The following LRRC40 variants were observed in gnomAD, a reference collection of about 807,000 sequenced individuals.
LRRC40 encodes leucine rich repeat containing 40.
LRRC40 carries 76 observed loss-of-function variants against 72.8 expected under a neutral mutation model. The observed-to-expected ratio is 1.04, with a 90% CI of 0.87 to 1.26. The LOEUF is 1.26. Among genes scored for constraint, LRRC40 ranks in the 50% most tolerant of loss-of-function variants. The pLI is 0.00. For missense variants in LRRC40, 684 were observed against 698.9 expected, an observed-to-expected ratio of 0.98 and a Z score of 0.24; for synonymous variants, 243 against 254.2, an observed-to-expected ratio of 0.96 and a Z score of 0.42.
chr1:70,157,127 T>C (rs1395473391), intron 10 of LRRC40, among the ~76,000 whole-genome samples: 1 of 152,182 alleles, frequency 6.6e-6, no homozygotes, highest in Admixed American at 6.5e-5. Context: ...ATATAATGTA[T>C]AATATGGAAG....
chr1:70,179,293 G>A (rs551373138), intron 5 of LRRC40, among the ~76,000 whole-genome samples: 2 of 152,124 alleles, frequency 1.3e-5, no homozygotes, highest in East Asian at 3.9e-4. Context: ...ACCAGCCTGG[G>A]CAACATATAG....
rs1162755190 is a variant in LRRC40, at chr1:70,179,003, AT to A, written c.662-11del. 2 of 1,486,842 alleles carry A rather than the reference AT, an allele frequency of 1.3e-6. No individual in the cohort carries two copies. Among genetic ancestry groups the A allele is most frequent in the Non-Finnish European group, 1.8e-6 (2 of 1,111,406 alleles). The allele number at this position is 1,486,842 out of a possible 1,614,324, so 92.1% of individuals were successfully genotyped here. ...TCCAAATGCTTCAACCCTGTAATAT[AT>A]ATTCAGTAAAAAACAAAAATAGAGA... is the stretch of plus-strand genomic sequence containing the variant. On this transcript the variant is annotated splice_polypyrimidine_tract_variant and intron_variant, in intron 5 of 14. Transcript: ENST00000370952.
chr1:70,158,105 A>AAC, intron 10 of LRRC40, among the ~76,000 whole-genome samples: 1 of 147,890 alleles, frequency 6.8e-6, no homozygotes, highest in Non-Finnish European at 1.5e-5. Flanking sequence ...GCCTCAAAAA[A>AAC]AAAAAAAAAA....
At chr1:70,197,972 G>C (rs781405716) in intron 1 of LRRC40, among the ~76,000 whole-genome samples, 1 of 152,026 alleles carries the variant, frequency 6.6e-6, no homozygotes, top group Non-Finnish European at 1.5e-5. Context: ...TTGTTGCCCA[G>C]ACTGGTCTTG....
intron 9 of LRRC40, among the ~76,000 whole-genome samples, chr1:70,172,936 G>T (rs2100285960): frequency 6.6e-6 from 1 of 151,602 alleles, no homozygotes; most frequent in South Asian, 2.1e-4. Flanking sequence ...TGATAGACAT[G>T]AAACAAAAAT....
Position 70,177,823 on chromosome 1 carries a change from G to A in LRRC40, c.804+1028C>T, listed in dbSNP as rs78524432. Among the ~76,000 whole-genome samples, 1,092 of 152,256 alleles carry A rather than the reference G, an allele frequency of 7.2e-3. 5 individuals are homozygous for A. Among genetic ancestry groups the A allele is most frequent in the Non-Finnish European group, 0.011 (725 of 68,018 alleles). The stretch of plus-strand genomic sequence containing the variant: ...TTGAACTGCACAGGTCCACTTATAT[G>A]TGGATTTCCTTCCACCTCTGCCATC... On this transcript the variant is annotated intron_variant, in intron 6 of 14. Transcript: ENST00000370952.
At chr1:70,161,943 T>C (rs547577476) in intron 9 of LRRC40, among the ~76,000 whole-genome samples, 1 of 152,240 alleles carries the variant, frequency 6.6e-6, no homozygotes, top group African/African-American at 2.4e-5. Flanking sequence ...TACAGTAATA[T>C]ATGTATGTTG....
In LRRC40 at chr1:70,186,351, C is replaced by T. The variant is rs186635880; in HGVS notation, c.407+914G>A. Among the ~76,000 whole-genome samples the T allele has an allele frequency of 3.3e-5, 5 of 152,288 alleles. No homozygotes were observed. The East Asian group carries it at 9.6e-4, about 29-fold the overall frequency. Reference sequence around the variant, plus strand: ...TCCCCACTCTTGTCTTTACAGGCCACGTCTATGCCTTTGACTTGTAAGGGG... The same window carrying T: ...TCCCCACTCTTGTCTTTACAGGCCATGTCTATGCCTTTGACTTGTAAGGGG... On this transcript the variant is annotated intron_variant, in intron 3 of 14. Transcript: ENST00000370952.
chr1:70,200,068 A>G (rs974053702), intron 1 of LRRC40, among the ~76,000 whole-genome samples: 2 of 152,188 alleles, frequency 1.3e-5, no homozygotes, highest in East Asian at 1.9e-4. Flanking sequence ...GAAAATTTCT[A>G]TTTAAGGAGG....
chr1:70,184,740 C>T (rs1423430287), intron 4 of LRRC40, 45 bp downstream of exon 4: 1 of 1,536,938 alleles, frequency 6.5e-7, no homozygotes, highest in South Asian at 1.3e-5. Context: ...GATGAAAAAT[C>T]CCACCAGCCC....
chr1:70,178,838 A>T lies in LRRC40; in HGVS notation c.804+13T>A, dbSNP rs1668167203. ...TGGAAAATATAGTTATTTAATAATCAACTAAATAGTACCTTCAATAGACTA... is the reference window on the plus strand; with the variant it reads ...TGGAAAATATAGTTATTTAATAATCTACTAAATAGTACCTTCAATAGACTA... On this transcript the variant is annotated intron_variant, in intron 6 of 14. Coordinates refer to ENST00000370952, the MANE Select transcript of LRRC40 (RefSeq NM_017768.5). 1.3e-6 allele frequency: 2 copies of T among 1,484,990 alleles called. No individual in the cohort carries two copies. Among genetic ancestry groups the T allele is most frequent in the Non-Finnish European group, 1.8e-6 (2 of 1,095,764 alleles). The allele number at this position is 1,484,990 out of a possible 1,614,324, so 92.0% of individuals were successfully genotyped here.
chr1:70,194,742 A>G (rs1187040643), intron 1 of LRRC40, among the ~76,000 whole-genome samples: 2 of 152,162 alleles, frequency 1.3e-5, no homozygotes, highest in African/African-American at 4.8e-5. Context: ...TTGAAATGCA[A>G]AAGAACTAAA....
chr1:70,146,098 T>G (rs1429611836), intron 14 of LRRC40, among the ~76,000 whole-genome samples, 193 bp from the exon 15 acceptor site: 1 of 152,056 alleles, frequency 6.6e-6, no homozygotes, highest in Non-Finnish European at 1.5e-5. Flanking sequence ...AATCTCAGCT[T>G]ATTGCAACCT....
At chr1:70,176,977 A>C (rs1217132084) in intron 6 of LRRC40, among the ~76,000 whole-genome samples, 3 of 152,226 alleles carry the variant, frequency 2.0e-5, no homozygotes, top group Non-Finnish European at 4.4e-5. Flanking sequence ...AGATGCAGTC[A>C]TAACTACATA....
chr1:70,204,213 A>G (rs1277529112), intron 1 of LRRC40, among the ~76,000 whole-genome samples: 1 of 152,234 alleles, frequency 6.6e-6, no homozygotes, highest in Non-Finnish European at 1.5e-5. Context: ...GCAAAATTTA[A>G]TAAGACTCTA....
At chr1:70,174,239 T>C (rs1169683186) in intron 7 of LRRC40, among the ~76,000 whole-genome samples, 1 of 151,940 alleles carries the variant, frequency 6.6e-6, no homozygotes, top group Non-Finnish European at 1.5e-5. Context: ...ATCTACAAAA[T>C]ATAGGGCACT....
chr1:70,184,727 C>A (rs1668322218), intron 4 of LRRC40, 58 bp downstream of exon 4: 38 of 1,484,088 alleles, frequency 2.6e-5, no homozygotes, highest in Non-Finnish European at 3.2e-5. Flanking sequence ...AATTTCTCAG[C>A]CTGATGAAAA....
chr1:70,147,644 A>C lies in LRRC40; in HGVS notation c.1703+843T>G, dbSNP rs1156497128. Among the ~76,000 whole-genome samples, 3 of 152,218 alleles carry C rather than the reference A, an allele frequency of 2.0e-5. No individual in the cohort carries two copies. In the South Asian group the frequency reaches 6.2e-4, roughly 31 times the overall value. On this transcript the variant is annotated intron_variant, in intron 14 of 14. Coordinates refer to ENST00000370952, the MANE Select transcript of LRRC40 (RefSeq NM_017768.5). ...TGGGTGTTCAGAGTGTCTATAGAAC[A>C]TAACTGCCACAAAGAATAAGAATCA...
intron 3 of LRRC40, among the ~76,000 whole-genome samples, chr1:70,186,043 T>C (rs148749415): frequency 9.9e-4 from 150 of 152,254 alleles, no homozygotes; most frequent in African/African-American, 3.4e-3. Context: ...AAAAGTCAAA[T>C]GATGTCTTCT....
Sources: allele counts gnomAD v4.1 joint callset (sites outside exome capture counted in the v4.1 genomes callset), GRCh38; gene constraint gnomAD v4.1.1; transcripts MANE v1.5; gene names NCBI Gene and HGNC (gene_info 2026-07-23, HGNC 2026-07-21).